Variants in CYFIP1 observed in about 807,000 individuals in gnomAD.
The protein encoded by CYFIP1 is cytoplasmic FMR1 interacting protein 1, also known as cytoplasmic FMR1-interacting protein 1.
A neutral mutation model predicts 163.5 loss-of-function variants in CYFIP1; 58 were observed. The ratio of observed to expected loss-of-function variants is 0.35; its 90% CI spans 0.29 to 0.44. The LOEUF (loss-of-function observed/expected upper bound fraction) is 0.44, where lower values mean the gene tolerates loss of function less well. CYFIP1 is among the 20% of genes least tolerant of loss of function. The probability of loss-of-function intolerance (pLI) is 1.00; values close to 1 mark genes in which losing one functional copy is unlikely to be tolerated. For synonymous variants in CYFIP1, 663 were observed against 660.7 expected, an observed-to-expected ratio of 1.00 and a Z score of -0.05; for missense variants, 1,338 against 1,653.8, an observed-to-expected ratio of 0.81 and a Z score of 3.31.
intron 3 of CYFIP1, among the ~76,000 whole-genome samples, chr15:22,945,360 G>A (rs2062023349): frequency 6.6e-6 from 1 of 152,316 alleles, no homozygotes; most frequent in South Asian, 2.1e-4. Flanking sequence ...TCCCAGAGAG[G>A]ACTAGAGGCA....
intron 23 of CYFIP1, among the ~76,000 whole-genome samples, chr15:22,891,930 C>G (rs1295980366): frequency 6.6e-6 from 1 of 152,224 alleles, no homozygotes; most frequent in East Asian, 1.9e-4. Context: ...CCTCTCCATC[C>G]CAGCTCCAGG....
At chr15:22,941,100 G>A (rs1449548469) in intron 6 of CYFIP1, among the ~76,000 whole-genome samples, 1 of 152,114 alleles carries the variant, frequency 6.6e-6, no homozygotes, top group Admixed American at 6.5e-5. Context: ...CTGTCACCCA[G>A]GCTGGAATAC....
At chr15:22,913,690 T>A (rs1031216536) in intron 17 of CYFIP1, among the ~76,000 whole-genome samples, 3 of 146,148 alleles carry the variant, frequency 2.1e-5, no homozygotes, top group African/African-American at 7.8e-5. Context: ...TGGCCCATGG[T>A]TGAAGGCCCG....
chr15:22,877,870 A>G (rs2059630146), intron 26 of CYFIP1, among the ~76,000 whole-genome samples: 2 of 152,246 alleles, frequency 1.3e-5, no homozygotes, highest in African/African-American at 4.8e-5. Flanking sequence ...GTCAGCTCCC[A>G]GGCGTGTCAC....
chr15:22,907,802 C>A (rs891254760), intron 21 of CYFIP1, among the ~76,000 whole-genome samples: 2 of 152,168 alleles, frequency 1.3e-5, no homozygotes, highest in African/African-American at 2.4e-5. Context: ...TCACTGAGGT[C>A]CCCCTGTGGC....
intron 30 of CYFIP1, 198 bp downstream of exon 30, chr15:22,872,627 A>G (rs2059469668): frequency 1.8e-6 from 1 of 569,178 alleles, no homozygotes; most frequent in African/African-American, 1.9e-5. Flanking sequence ...GGAAAACGGA[A>G]CAATGAGTAT....
At position 22,912,228 on chromosome 15, in the gene CYFIP1, G is replaced by A. The variant is rs755251430; in HGVS notation, c.2033C>T (p.Ala678Val). ...LDLYNDSAHY[A>V]LTRFNKQFLY... ...GAACTGCTTGTTGAACCTGGTGAGCGCGTAGTGGGCGCTGTCATTGTACAG... is the reference window on the plus strand; with the variant it reads ...GAACTGCTTGTTGAACCTGGTGAGCACGTAGTGGGCGCTGTCATTGTACAG... Residue 678 changes from alanine (A) to valine (V), a missense_variant, in exon 18 of 31, where the codon GCG (alanine) becomes GTG (valine). By Grantham distance (64) the Ala-to-Val change is moderately conservative (BLOSUM62 0). Around this residue, in one of 4 missense-constraint regions of CYFIP1, gnomAD observed 824 missense variants for 995.7 expected, o/e 0.83. Coordinates refer to ENST00000617928, the MANE Select transcript of CYFIP1 (RefSeq NM_014608.6). The A allele has an allele frequency of 1.1e-5, 17 of 1,613,932 alleles. No homozygotes were observed. In the East Asian group the frequency reaches 1.8e-4, roughly 17 times the overall value.
rs151196238 is a variant in CYFIP1 at position 22,880,637 on chromosome 15, C to A, written c.2912-594G>T. The stretch of plus-strand genomic sequence containing the variant: ...GCTTCAACTCCAGCCCAGACAGAAA[C>A]CGGCAGCTGACCGCACAATGAACGT... On this transcript the variant is annotated intron_variant, in intron 25 of 30. Transcript: ENST00000617928. 2.0e-3 allele frequency among the ~76,000 whole-genome samples: 303 copies of A among 152,310 alleles called. 2 individuals carry two copies. The highest frequency in any genetic ancestry group is 0.01 in the Middle Eastern group (3 of 292).
Position 22,917,160 on chromosome 15 carries a change from G to A in CYFIP1, c.1675-530C>T. 1 of 1,437,100 alleles carries A rather than the reference G, an allele frequency of 7.0e-7. No homozygotes were observed. The highest frequency in any genetic ancestry group is 9.1e-7 in the Non-Finnish European group (1 of 1,101,876). The allele number at this position is 1,437,100 out of a possible 1,614,324, so 89.0% of individuals were successfully genotyped here. ...GTGGCTGGCACCACGCACAGGCCGA[G>A]GGCCGTCCCCCTGACCCTCCTGCAG... On this transcript the variant is annotated intron_variant, in intron 15 of 30. Coordinates refer to ENST00000617928, the MANE Select transcript of CYFIP1 (RefSeq NM_014608.6). This position sits in a 1 kb window ranked among gnomAD's most constrained non-coding sequence, Gnocchi z 4.2.
At chr15:22,901,763 C>G (rs1410299273) in intron 22 of CYFIP1, among the ~76,000 whole-genome samples, 1 of 152,200 alleles carries the variant, frequency 6.6e-6, no homozygotes, top group African/African-American at 2.4e-5. Flanking sequence ...GACTAAAATT[C>G]CGGGTAGCAT....
In CYFIP1 at chr15:22,881,878, C is replaced by A; in HGVS notation, c.2879G>T (p.Cys960Phe). ...GCCGTACTCGTGCCGGGGCAGGCGGCAGATCTTGGGCATCACCTCCATCAG... is the reference window on the plus strand; with the variant it reads ...GCCGTACTCGTGCCGGGGCAGGCGGAAGATCTTGGGCATCACCTCCATCAG... ...KTLMEVMPKI[C>F]RLPRHEYGSP... The change falls in exon 25 of 31, where the codon TGC becomes TTC. Residue 960 changes from cysteine to phenylalanine, a missense_variant. This residue lies in a region of CYFIP1 where 824 missense variants were observed against 995.7 expected (regional missense o/e 0.83). Coordinates refer to ENST00000617928, the MANE Select transcript of CYFIP1 (RefSeq NM_014608.6). 1.2e-6 allele frequency: 2 copies of A among 1,612,160 alleles called. No homozygotes were observed.
At chr15:22,878,678 AAAAAAAAAAAGTGCTAATCATT>A (rs1163042501) in intron 26 of CYFIP1, among the ~76,000 whole-genome samples, 1 of 151,918 alleles carries the variant, frequency 6.6e-6, no homozygotes, top group African/African-American at 2.4e-5. Flanking sequence ...GTAGATTAAA[AAAAAAAAAAAGTGCTAATCATT>A]AAAAAAAAAA....
chr15:22,937,169 T>C lies in CYFIP1; in HGVS notation c.835A>G (p.Ser279Gly), dbSNP rs112271811. The C allele has an allele frequency of 3.1e-6, 5 of 1,613,568 alleles. No individual in the cohort carries two copies. The South Asian group carries it at 3.3e-5, about 11-fold the overall frequency. ...FGLYLMDGSV[S>G]NIYKLDAKKR... ...TTGGCATCCAACTTATAGATGTTAC[T>C]GACACTCCCATCCATCAGGTACAGA... is the stretch of plus-strand genomic sequence containing the variant. Residue 279 changes from serine to glycine, a missense_variant, in exon 9 of 31, where the codon AGT becomes GGT. Physicochemically the swap from Ser to Gly is moderately conservative, Grantham distance 56 (BLOSUM62 0). Around this residue, in one of 4 missense-constraint regions of CYFIP1, gnomAD observed 824 missense variants for 995.7 expected, o/e 0.83. Transcript: ENST00000617928.
intron 1 of CYFIP1, chr15:22,951,550 C>T (rs1332548394): frequency 2.0e-5 from 26 of 1,287,058 alleles, no homozygotes; most frequent in Non-Finnish European, 2.4e-5. Flanking sequence ...GACTCCAGCC[C>T]AGAGTCCCGC....
chr15:22,908,038 T>C (rs1430765863), intron 21 of CYFIP1, among the ~76,000 whole-genome samples: 1 of 152,232 alleles, frequency 6.6e-6, no homozygotes, highest in African/African-American at 2.4e-5. Context: ...TTTTTCTCTG[T>C]TCCCCAGTTC....
intron 22 of CYFIP1, among the ~76,000 whole-genome samples, chr15:22,895,763 C>A (rs2060218167): frequency 1.3e-5 from 2 of 152,136 alleles, no homozygotes; most frequent in African/African-American, 2.4e-5. Flanking sequence ...AGCTACGTGG[C>A]CAGTGATTCA....
chr15:22,944,790 G>A, intron 4 of CYFIP1, 72 bp downstream of exon 4: 1 of 1,548,376 alleles, frequency 6.5e-7, no homozygotes, highest in East Asian at 2.2e-5. Context: ...AGGCATGGCA[G>A]GGGCAGGGGT....
chr15:22,929,449 T>C (rs1301136409), intron 11 of CYFIP1, among the ~76,000 whole-genome samples: 1 of 151,032 alleles, frequency 6.6e-6, no homozygotes, highest in Non-Finnish European at 1.5e-5. Flanking sequence ...CTGGCCAACA[T>C]GGTGAAACCC....
chr15:22,932,261 G>A lies in CYFIP1; in HGVS notation c.1072C>T (p.Arg358Cys), dbSNP rs369504167. Residue 358 changes from arginine to cysteine, a missense_variant, in exon 11 of 31, where the codon CGC (arginine) becomes TGC (cysteine). Arg to Cys is a radical substitution (Grantham distance 180). This residue lies in a region of CYFIP1 where 824 missense variants were observed against 995.7 expected (regional missense o/e 0.83). Coordinates refer to ENST00000617928, the MANE Select transcript of CYFIP1 (RefSeq NM_014608.6). ...QMIQIREDHM[R>C]FISELARYSN... ...TAGCGCGCCAGCTCCGAAATGAAGC[G>A]CATGTGGTCCTCGCGGATCTGGATC... 3.3e-5 allele frequency: 54 copies of A among 1,612,896 alleles called. No homozygotes were observed. The highest frequency in any genetic ancestry group is 2.3e-4 in the Admixed American group (14 of 59,794).
Sources: gnomAD v4.1 joint callset for allele counts (sites outside exome capture counted in the v4.1 genomes callset) on GRCh38, gnomAD v4.1.1 for gene constraint, gnomAD v4.1.1 regional missense constraint, Gnocchi (gnomAD v3.1) non-coding constraint, MANE v1.5 for transcripts, NCBI Gene and HGNC (gene_info 2026-07-23, HGNC 2026-07-21) for gene names.